Variants in AGBL1 observed in about 807,000 individuals in gnomAD.
The protein encoded by AGBL1 is cytosolic carboxypeptidase 4.
In AGBL1, 130 loss-of-function variants were observed where a neutral mutation model predicts 118.9. That is an observed-to-expected ratio of 1.09 (90% CI 0.95 to 1.26). The LOEUF (loss-of-function observed/expected upper bound fraction) is 1.26. Among genes scored for constraint, AGBL1 ranks in the 50% most tolerant of loss-of-function variants. The pLI, the probability that AGBL1 is intolerant of heterozygous loss-of-function variation, is 0.00. For missense variants in AGBL1, 1,584 were observed against 1,298.1 expected (o/e 1.22, Z -3.38); for synonymous variants, 555 against 478.9 (o/e 1.16, Z -2.08).
chr15:86,156,517 A>G (rs370168187), intron 4 of AGBL1, among the ~76,000 whole-genome samples: 2 of 152,148 alleles, frequency 1.3e-5, no homozygotes, highest in African/African-American at 2.4e-5. Flanking sequence ...TAGGGCTTCA[A>G]TGTATGAATT....
At chr15:86,410,921 TA>T (rs2081609614) in intron 18 of AGBL1, among the ~76,000 whole-genome samples, 2 of 124,002 alleles carry the variant, frequency 1.6e-5, no homozygotes, top group Admixed American at 1.0e-4. Context: ...ATATGTTATA[TA>T]ATATATATAA....
intron 1 of AGBL1, among the ~76,000 whole-genome samples, chr15:86,111,163 C>G (rs1897358477): frequency 6.6e-6 from 1 of 152,194 alleles, no homozygotes; most frequent in Non-Finnish European, 1.5e-5. Context: ...TTTTGAGGTC[C>G]CTAGAAGTCA....
At chr15:86,168,689 T>C (rs1032561298) in intron 5 of AGBL1, among the ~76,000 whole-genome samples, 2 of 152,194 alleles carry the variant, frequency 1.3e-5, no homozygotes, top group Admixed American at 1.3e-4. Context: ...AAATATTGAC[T>C]AGAAAAAGTA....
intron 1 of AGBL1, among the ~76,000 whole-genome samples, chr15:86,107,959 C>A (rs1346584367): frequency 6.6e-6 from 1 of 152,076 alleles, no homozygotes; most frequent in African/African-American, 2.4e-5. Context: ...GAGTAAGAAC[C>A]AAGACAACAA....
intron 17 of AGBL1, among the ~76,000 whole-genome samples, chr15:86,339,964 C>CA (rs756139859): frequency 0.029 from 3,870 of 133,124 alleles, 65 homozygotes; most frequent in Middle Eastern, 0.063. Flanking sequence ...GACTCCATCT[C>CA]AAAAAAAAAA....
chr15:86,551,482 C>T (rs980927470), intron 20 of AGBL1, among the ~76,000 whole-genome samples: 2 of 152,108 alleles, frequency 1.3e-5, no homozygotes, highest in Non-Finnish European at 2.9e-5. Context: ...CTTAGGAGAA[C>T]ACAGACTACC....
chr15:86,319,286 C>T (rs1288196478), intron 17 of AGBL1, among the ~76,000 whole-genome samples: 4 of 152,134 alleles, frequency 2.6e-5, no homozygotes, highest in Admixed American at 1.3e-4. Context: ...AGTTAACTTC[C>T]TGCCAGTTGT....
chr15:86,356,665 A>G (rs1270397149), intron 17 of AGBL1, among the ~76,000 whole-genome samples: 1 of 152,138 alleles, frequency 6.6e-6, no homozygotes, highest in East Asian at 1.9e-4. Context: ...TTGTACTGGA[A>G]GGAAGTAAGA....
Position 86,632,504 on chromosome 15 carries a change from G to C in AGBL1, c.2995-41769G>C, listed in dbSNP as rs1207776994. Among the ~76,000 whole-genome samples the C allele has an allele frequency of 2.0e-5, 3 of 152,102 alleles. No individual in the cohort carries two copies. The East Asian group carries it at 5.8e-4, about 29-fold the overall frequency. On this transcript the variant is annotated intron_variant, in intron 21 of 22. Transcript: ENST00000614907. ...TACGTAGTTGCAACTCATGAGAAAG[G>C]AGGGGAGTTTTGTAGACCACTCTAC...
intron 22 of AGBL1, among the ~76,000 whole-genome samples, chr15:86,829,423 T>C (rs1378263622): frequency 2.0e-5 from 3 of 152,152 alleles, no homozygotes; most frequent in Non-Finnish European, 4.4e-5. Context: ...AATCTGATGG[T>C]GTCAGATGTT....
intron 19 of AGBL1, among the ~76,000 whole-genome samples, chr15:86,543,448 T>G (rs1014359438): frequency 6.6e-6 from 1 of 152,246 alleles, no homozygotes; most frequent in African/African-American, 2.4e-5. Context: ...TATATTCTTT[T>G]ACTGTCGTGT....
At position 86,913,261 on chromosome 15, in the gene AGBL1, G is replaced by C. The variant is rs2080375877; in HGVS notation, c.*5967G>C. On this transcript the variant is annotated 3_prime_UTR_variant, in exon 23 of 23. Transcript: ENST00000614907. The stretch of plus-strand genomic sequence containing the variant: ...GGCTTTAAGCATAACAATGAGTGAG[G>C]GAAGGTTGATCCTCAGACACATGAC... 6.6e-6 allele frequency: 1 copy of C among 151,752 alleles called. No individual in the cohort carries two copies. Among genetic ancestry groups the C allele is most frequent in the South Asian group, 2.1e-4 (1 of 4,812 alleles). 9.4% of individuals were successfully genotyped at this position (151,752 alleles called of 1,614,324 possible). A position where few individuals can be genotyped will look rare whatever the true frequency, so the allele number is the denominator to read the frequency against.
intron 18 of AGBL1, among the ~76,000 whole-genome samples, chr15:86,476,823 A>G (rs1292367869): frequency 1.3e-5 from 2 of 152,226 alleles, no homozygotes; most frequent in Non-Finnish European, 2.9e-5. Flanking sequence ...TTGACCACAT[A>G]GTTGGAAGTA....
chr15:86,738,677 G>T lies in AGBL1; in HGVS notation c.3158+64241G>T, dbSNP rs190108003. Among the ~76,000 whole-genome samples, 5 of 152,278 alleles carry T rather than the reference G, an allele frequency of 3.3e-5. No individual in the cohort carries two copies. In the East Asian group the frequency reaches 9.7e-4, roughly 29 times the overall value. ...ATTGTCTCATGTGACATGAAATGGGGTTCTGAAGTCAAATGAATTTGGGAA... is the reference window on the plus strand; with the variant it reads ...ATTGTCTCATGTGACATGAAATGGGTTTCTGAAGTCAAATGAATTTGGGAA... On this transcript the variant is annotated intron_variant, in intron 22 of 22. Coordinates refer to ENST00000614907, the MANE Select transcript of AGBL1 (RefSeq NM_001386094.1).
chr15:86,944,835 T>C (rs886878901), intron 23 of AGBL1, among the ~76,000 whole-genome samples: 2 of 152,186 alleles, frequency 1.3e-5, no homozygotes, highest in Non-Finnish European at 2.9e-5. Flanking sequence ...ATCTTTAAGA[T>C]AGAGTGACAA....
At chr15:86,394,795 A>T (rs2081338758) in intron 17 of AGBL1, among the ~76,000 whole-genome samples, 1 of 152,176 alleles carries the variant, frequency 6.6e-6, no homozygotes, top group Admixed American at 6.6e-5. Flanking sequence ...GGCATTTACC[A>T]GATGAAACTG....
At chr15:86,655,125 G>A (rs2085441843) in intron 21 of AGBL1, among the ~76,000 whole-genome samples, 1 of 152,140 alleles carries the variant, frequency 6.6e-6, no homozygotes, top group Admixed American at 6.5e-5. Context: ...TGCATCTGGT[G>A]GGACAATTCT....
intron 7 of AGBL1, among the ~76,000 whole-genome samples, chr15:86,252,375 T>G (rs1015288342): frequency 3.9e-5 from 6 of 152,140 alleles, no homozygotes; most frequent in African/African-American, 1.4e-4. Context: ...ACCCTAAAGG[T>G]CAGATTGGTC....
chr15:86,542,769 G>A (rs747652642), intron 19 of AGBL1, among the ~76,000 whole-genome samples: 16 of 152,224 alleles, frequency 1.1e-4, no homozygotes, highest in Admixed American at 2.6e-4. Context: ...ATCAACCATC[G>A]TATCTCGCTT....
Sources: gnomAD v4.1 joint callset for allele counts (sites outside exome capture counted in the v4.1 genomes callset) on GRCh38, gnomAD v4.1.1 for gene constraint, MANE v1.5 for transcripts, NCBI Gene and HGNC (gene_info 2026-07-23, HGNC 2026-07-21) for gene names.